PRKD1: variants seen among roughly 807,000 people sequenced by gnomAD.
The protein encoded by PRKD1 is serine/threonine-protein kinase D1.
Under a neutral mutation model 95.9 loss-of-function variants are expected in PRKD1, and 63 were observed. The observed-to-expected ratio is 0.66, with a 90% CI of 0.54 to 0.81. PRKD1 has a LOEUF of 0.81. Ranked by LOEUF, PRKD1 falls within the 30% of genes least tolerant of loss-of-function variation. The probability of loss-of-function intolerance (pLI) is 0.00; values close to 1 mark genes in which losing one functional copy is unlikely to be tolerated. For missense variants in PRKD1, 1,048 were observed against 1,165.3 expected (o/e 0.90, Z 1.47); for synonymous variants, 425 against 423.1 (o/e 1.00, Z -0.05).
At chr14:29,831,060 T>C (rs1891389864) in intron 1 of PRKD1, among the ~76,000 whole-genome samples, 1 of 152,192 alleles carries the variant, frequency 6.6e-6, no homozygotes, top group African/African-American at 2.4e-5. Flanking sequence ...ATTAATTCGG[T>C]TCATGAATTT....
chr14:29,588,347 G>C (rs966945477), intron 16 of PRKD1, among the ~76,000 whole-genome samples: 1 of 152,012 alleles, frequency 6.6e-6, no homozygotes, highest in Non-Finnish European at 1.5e-5. Context: ...AATGGTGCTG[G>C]GCTTTTATTT....
At chr14:29,833,424 C>T (rs1454413707) in intron 1 of PRKD1, among the ~76,000 whole-genome samples, 2 of 152,034 alleles carry the variant, frequency 1.3e-5, no homozygotes, top group African/African-American at 4.8e-5. Context: ...GACAAAGGGG[C>T]ACTTACAGCA....
intron 1 of PRKD1, among the ~76,000 whole-genome samples, chr14:29,862,700 T>C (rs1018999865): frequency 1.3e-5 from 2 of 152,236 alleles, no homozygotes; most frequent in Non-Finnish European, 2.9e-5. Context: ...TCCCCATGTT[T>C]TAATCAGATA....
intron 1 of PRKD1, among the ~76,000 whole-genome samples, chr14:29,803,526 T>A (rs540420595): frequency 2.1e-4 from 32 of 152,222 alleles, no homozygotes; most frequent in African/African-American, 6.7e-4. Context: ...GACCCATGAA[T>A]TGCAACAGTT....
intron 16 of PRKD1, among the ~76,000 whole-genome samples, chr14:29,583,027 G>C (rs1009077154): frequency 6.6e-6 from 1 of 152,152 alleles, no homozygotes; most frequent in Non-Finnish European, 1.5e-5. Context: ...TAGGATGCTC[G>C]TGCCCCAGTG....
chr14:29,749,599 G>A (rs998070102), intron 1 of PRKD1, among the ~76,000 whole-genome samples: 3 of 152,104 alleles, frequency 2.0e-5, no homozygotes, highest in Non-Finnish European at 2.9e-5. Flanking sequence ...TTAATGGGTC[G>A]TTACTGATCC....
rs191547178 is a variant in PRKD1 at position 29,671,885 on chromosome 14, A to G, written c.404-5677T>C. ...TAATAAATAAATTTTGCCCTACTTGATATCAAAATATTCTATAAAATGTTG... is the reference window on the plus strand; with the variant it reads ...TAATAAATAAATTTTGCCCTACTTGGTATCAAAATATTCTATAAAATGTTG... On this transcript the variant is annotated intron_variant, in intron 2 of 17. Coordinates refer to ENST00000331968, the MANE Select transcript of PRKD1 (RefSeq NM_002742.3). 5.9e-5 allele frequency among the ~76,000 whole-genome samples: 9 copies of G among 152,342 alleles called. No individual in the cohort carries two copies. In the South Asian group the frequency reaches 1.0e-3, roughly 18 times the overall value.
At chr14:29,841,977 C>T (rs1470398383) in intron 1 of PRKD1, among the ~76,000 whole-genome samples, 1 of 151,892 alleles carries the variant, frequency 6.6e-6, no homozygotes, top group Non-Finnish European at 1.5e-5. Flanking sequence ...TTGTTAAAAA[C>T]TAAGGCACAA....
At chr14:29,672,307 C>CTCCA (rs1223715918) in intron 2 of PRKD1, among the ~76,000 whole-genome samples, 2 of 151,392 alleles carry the variant, frequency 1.3e-5, no homozygotes, top group African/African-American at 2.4e-5. Context: ...TGCCACTGCA[C>CTCCA]TCCAGCCTGG....
At chr14:29,676,379 G>T (rs1250186187) in intron 2 of PRKD1, among the ~76,000 whole-genome samples, 1 of 151,922 alleles carries the variant, frequency 6.6e-6, no homozygotes, top group Non-Finnish European at 1.5e-5. Context: ...GGAGGTCAAA[G>T]GAGTCTCGCT....
At chr14:29,756,284 A>C (rs1040247323) in intron 1 of PRKD1, among the ~76,000 whole-genome samples, 1 of 152,198 alleles carries the variant, frequency 6.6e-6, no homozygotes, top group African/African-American at 2.4e-5. Flanking sequence ...ATTTAGAAAC[A>C]ATGACACATG....
At chr14:29,636,243 C>G in intron 7 of PRKD1, 47 bp downstream of exon 7, 1 of 1,603,112 alleles carries the variant, frequency 6.2e-7, no homozygotes, top group Non-Finnish European at 8.5e-7. Context: ...AGAGAAAATA[C>G]TGCCTGGGGT....
At chr14:29,751,846 GGTTT>G (rs1402986249) in intron 1 of PRKD1, among the ~76,000 whole-genome samples, 9 of 152,152 alleles carry the variant, frequency 5.9e-5, no homozygotes, top group Non-Finnish European at 1.0e-4. Context: ...CCACGGATTA[GGTTT>G]GTTTCTCTTG....
chr14:29,607,256 G>A (rs1308888836), intron 13 of PRKD1, among the ~76,000 whole-genome samples: 2 of 152,164 alleles, frequency 1.3e-5, no homozygotes, highest in Non-Finnish European at 2.9e-5. Flanking sequence ...ATCAGATTAA[G>A]TATGAACTGC....
chr14:29,851,068 C>T (rs1017384826), intron 1 of PRKD1, among the ~76,000 whole-genome samples: 1 of 151,190 alleles, frequency 6.6e-6, no homozygotes, highest in Admixed American at 6.6e-5. Flanking sequence ...CAAATTGGAC[C>T]CTGAACTAAA....
At chr14:29,710,659 T>G (rs1885295422) in intron 2 of PRKD1, among the ~76,000 whole-genome samples, 1 of 152,102 alleles carries the variant, frequency 6.6e-6, no homozygotes, top group Non-Finnish European at 1.5e-5. Context: ...AGGACATTAA[T>G]GAAAAAGATT....
chr14:29,645,168 A>G (rs547009747), intron 4 of PRKD1, among the ~76,000 whole-genome samples: 2 of 152,312 alleles, frequency 1.3e-5, no homozygotes, highest in African/African-American at 2.4e-5. Flanking sequence ...CAGTTAGTCA[A>G]TAAGGACAAC....
chr14:29,850,194 T>C (rs940617272), intron 1 of PRKD1, among the ~76,000 whole-genome samples: 5 of 152,040 alleles, frequency 3.3e-5, no homozygotes, highest in Non-Finnish European at 5.9e-5. Flanking sequence ...CTGGAAGTCC[T>C]AGTCAGACCA....
At chr14:29,678,997 A>G (rs1404985663) in intron 2 of PRKD1, among the ~76,000 whole-genome samples, 1 of 152,232 alleles carries the variant, frequency 6.6e-6, no homozygotes, top group East Asian at 1.9e-4. Flanking sequence ...GCTGCCTGTT[A>G]ATCAGAAGGC....
Sources: allele counts gnomAD v4.1 joint callset (sites outside exome capture counted in the v4.1 genomes callset), GRCh38; gene constraint gnomAD v4.1.1; transcripts MANE v1.5; gene names NCBI Gene and HGNC (gene_info 2026-07-23, HGNC 2026-07-21).